RELN: variants seen among roughly 807,000 people sequenced by gnomAD.
RELN encodes reelin.
A neutral mutation model predicts 427.6 loss-of-function variants in RELN; 108 were observed. That is an observed-to-expected ratio of 0.25 (90% confidence interval 0.22 to 0.30). The LOEUF (loss-of-function observed/expected upper bound fraction) is 0.30, where lower values mean the gene tolerates loss of function less well. RELN is among the 10% of genes least tolerant of loss of function. RELN has a pLI of 1.00. For synonymous variants in RELN, 1,524 were observed against 1,513.4 expected (o/e 1.01, Z -0.16); for missense variants, 3,715 against 4,302.8 (o/e 0.86, Z 3.82).
chr7:103,494,541 ATTTTT>A (rs35989965), intron 57 of RELN, among the ~76,000 whole-genome samples: 2,019 of 126,164 alleles, frequency 0.016, 55 homozygotes, highest in African/African-American at 0.056. Flanking sequence ...CGCCCAGCTA[ATTTTT>A]TTTTTTTTTT....
intron 3 of RELN, among the ~76,000 whole-genome samples, chr7:103,782,176 T>C (rs17369701): frequency 0.024 from 3,645 of 152,284 alleles, 65 homozygotes; most frequent in Middle Eastern, 0.1. Context: ...AAGTTCATTA[T>C]GATCATCATA....
intron 3 of RELN, among the ~76,000 whole-genome samples, chr7:103,799,588 A>G (rs1051662455): frequency 1.3e-5 from 2 of 152,132 alleles, no homozygotes; most frequent in Admixed American, 1.3e-4. Flanking sequence ...TCCCTTAGTC[A>G]TCCCAAGATG....
intron 46 of RELN, among the ~76,000 whole-genome samples, chr7:103,526,845 G>C (rs1280933122): frequency 6.6e-6 from 1 of 152,112 alleles, no homozygotes; most frequent in African/African-American, 2.4e-5. Context: ...CTCGGCAGGT[G>C]TTATCATTTA....
intron 10 of RELN, among the ~76,000 whole-genome samples, chr7:103,694,830 T>TG (rs1833944012): frequency 7.2e-6 from 1 of 139,844 alleles, no homozygotes; most frequent in South Asian, 2.2e-4. Context: ...TGGCTAGTTT[T>TG]TTTTTTTTAA....
chr7:103,666,468 A>G (rs1229294269), intron 11 of RELN, among the ~76,000 whole-genome samples: 4 of 152,112 alleles, frequency 2.6e-5, no homozygotes, highest in African/African-American at 7.2e-5. Context: ...TCATTTAATC[A>G]TATTTATCTC....
chr7:103,496,462 T>C, intron 56 of RELN, 64 bp downstream of exon 56: 1 of 1,606,270 alleles, frequency 6.2e-7, no homozygotes, highest in Non-Finnish European at 8.5e-7. Flanking sequence ...TGCTAATCTA[T>C]CTGAAGACAT....
chr7:103,497,292 T>G (rs1828870814), intron 55 of RELN, among the ~76,000 whole-genome samples: 1 of 152,210 alleles, frequency 6.6e-6, no homozygotes, highest in Admixed American at 6.5e-5. Flanking sequence ...GATATCTATC[T>G]GCTAAAGCAG....
At chr7:103,514,143 A>G (rs1829499090) in intron 50 of RELN, 1 of 152,114 alleles carries the variant, frequency 6.6e-6, no homozygotes, top group East Asian at 1.9e-4. Context: ...ACAGAGTTCC[A>G]CTGTCTGAAT....
At chr7:103,965,445 GT>G (rs559707496) in intron 1 of RELN, among the ~76,000 whole-genome samples, 37 of 152,102 alleles carry the variant, frequency 2.4e-4, no homozygotes, top group Non-Finnish European at 4.9e-4. Flanking sequence ...TAAAATGACA[GT>G]TTAAATAAAT....
chr7:103,760,897 A>C (rs1791282107), intron 4 of RELN, among the ~76,000 whole-genome samples: 2 of 151,560 alleles, frequency 1.3e-5, no homozygotes, highest in African/African-American at 2.4e-5. Flanking sequence ...CCCAGGAATA[A>C]TTTATTACTT....
intron 4 of RELN, 122 bp downstream of exon 4, chr7:103,776,435 T>G: frequency 1.0e-6 from 1 of 974,812 alleles, no homozygotes; most frequent in Non-Finnish European, 1.7e-6. Flanking sequence ...GAAGGGTCAA[T>G]ACTTACATTT....
At chr7:103,746,774 G>C (rs1249761995) in intron 6 of RELN, among the ~76,000 whole-genome samples, 12 of 150,892 alleles carry the variant, frequency 8.0e-5, no homozygotes, top group Non-Finnish European at 1.5e-4. Context: ...ACAGGTGCTG[G>C]AGAGGATGTG....
chr7:103,657,088 G>A (rs894266266), intron 12 of RELN, among the ~76,000 whole-genome samples: 2 of 151,978 alleles, frequency 1.3e-5, no homozygotes, highest in Non-Finnish European at 2.9e-5. Flanking sequence ...ATGTAATTTG[G>A]CATATAATAA....
At chr7:103,961,243 C>T (rs1796547391) in intron 1 of RELN, among the ~76,000 whole-genome samples, 1 of 152,056 alleles carries the variant, frequency 6.6e-6, no homozygotes, top group South Asian at 2.1e-4. Flanking sequence ...TTTTTTTCCC[C>T]CAAACTGTAT....
chr7:103,920,579 G>GTTTTTTTTTTTTT (rs1205659662), intron 1 of RELN, among the ~76,000 whole-genome samples: 2 of 88,868 alleles, frequency 2.3e-5, no homozygotes, highest in Non-Finnish European at 2.0e-5. Flanking sequence ...TTTTTTTTTT[G>GTTTTTTTTTTTTT]TTTTTTTTTT....
intron 2 of RELN, among the ~76,000 whole-genome samples, chr7:103,864,712 G>A (rs1300393660): frequency 6.6e-6 from 1 of 152,022 alleles, no homozygotes. Flanking sequence ...AGAAAATAAG[G>A]ATTGGAGCAG....
chr7:103,764,550 AAAG>A (rs1170501198), intron 4 of RELN, among the ~76,000 whole-genome samples: 3 of 151,988 alleles, frequency 2.0e-5, no homozygotes, highest in African/African-American at 4.8e-5. Flanking sequence ...AAAAGCACAA[AAAG>A]AAGGCCAGGC....
intron 61 of RELN, among the ~76,000 whole-genome samples, chr7:103,484,895 C>A (rs1437243920): frequency 6.6e-6 from 1 of 152,126 alleles, no homozygotes; most frequent in Non-Finnish European, 1.5e-5. Context: ...GTCTGGAGAT[C>A]AGAGCTGAGG....
In RELN at chr7:103,589,612, T is replaced by C; in HGVS notation, c.4129A>G (p.Arg1377Gly). ...EWTRITIVIP[R>G]SLASSKTRFR... ...TTACTTTACCTGGATGCAAGAGACC[T>C]TGGAATAACAATGGTGATTCTTGTC... Residue 1377 changes from arginine (R) to glycine (G), a missense_variant, in exon 28 of 65, where the codon AGG becomes GGG. Arg to Gly is a moderately radical substitution (Grantham distance 125). Transcript: ENST00000428762. 1 of 1,612,302 alleles carries C rather than the reference T, an allele frequency of 6.2e-7. No homozygotes were observed. Among genetic ancestry groups the C allele is most frequent in the Non-Finnish European group, 8.5e-7 (1 of 1,178,288 alleles).
Sources: gnomAD v4.1 joint callset for allele counts (sites outside exome capture counted in the v4.1 genomes callset) on GRCh38, gnomAD v4.1.1 for gene constraint, MANE v1.5 for transcripts, NCBI Gene and HGNC (gene_info 2026-07-23, HGNC 2026-07-21) for gene names.